The following NUP210L variants were observed in gnomAD, a reference collection of about 807,000 sequenced individuals.
NUP210L encodes nuclear pore membrane glycoprotein 210-like.
NUP210L carries 74 observed loss-of-function variants against 208.5 expected under a neutral mutation model. That is an observed-to-expected ratio of 0.35 (90% CI 0.29 to 0.43). The LOEUF is 0.43. Among genes scored for constraint, NUP210L ranks in the 20% least tolerant of loss-of-function variants. The probability of loss-of-function intolerance (pLI) is 1.00; values close to 1 mark genes in which losing one functional copy is unlikely to be tolerated. For synonymous variants in NUP210L, 780 were observed against 816.9 expected, an observed-to-expected ratio of 0.95 and a Z score of 0.77; for missense variants, 1,843 against 2,289.4, an observed-to-expected ratio of 0.81 and a Z score of 3.98.
At position 154,058,551 on chromosome 1, in the gene NUP210L, C is replaced by T; in HGVS notation, c.2979+14G>A. 1 of 1,605,692 alleles carries T rather than the reference C, an allele frequency of 6.2e-7. No homozygotes were observed. The highest frequency in any genetic ancestry group is 8.5e-7 in the Non-Finnish European group (1 of 1,177,546). ...GTCTTGCTTAATTTCTGAGATAAAA[C>T]AAACATGTCTCACCTTATCAATCAG... On this transcript the variant is annotated intron_variant, in intron 21 of 39. Transcript: ENST00000368559.
chr1:154,058,253 TC>T lies in NUP210L; in HGVS notation c.2980-38del. ...AAAGAAAAAGATTTTAGCAAAGGTG[TC>T]TCATTCACCAATGGCAGTCTAACTC... On this transcript the variant is annotated intron_variant, in intron 21 of 39. Transcript: ENST00000368559. 1.9e-6 allele frequency: 3 copies of T among 1,609,644 alleles called. No individual in the cohort carries two copies. The South Asian group carries it at 3.3e-5, about 18-fold the overall frequency.
intron 7 of NUP210L, 96 bp from the exon 8 acceptor site, chr1:154,129,441 G>T (rs1336631599): frequency 3.8e-6 from 3 of 782,030 alleles, no homozygotes; most frequent in Non-Finnish European, 6.5e-6. Flanking sequence ...ATGCACAAAT[G>T]AAAACAAACA....
intron 10 of NUP210L, among the ~76,000 whole-genome samples, chr1:154,125,770 T>G (rs1245735556): frequency 1.8e-5 from 1 of 54,492 alleles, no homozygotes; most frequent in Admixed American, 2.0e-4. Context: ...TTTTTTTTTT[T>G]TTTTTTTTTT....
chr1:154,151,294 T>TTTTTTTTTTTTTTTTTTTTTTTG (rs1659368301), intron 2 of NUP210L, among the ~76,000 whole-genome samples: 3 of 148,630 alleles, frequency 2.0e-5, no homozygotes, highest in African/African-American at 7.7e-5. Flanking sequence ...CATTGATTCT[T>TTTTTTTTTTTTTTTTTTTTTTTG]AGACACTCGT....
chr1:154,047,804 C>T (rs1653270070), intron 25 of NUP210L, among the ~76,000 whole-genome samples: 1 of 152,182 alleles, frequency 6.6e-6, no homozygotes. Flanking sequence ...GTCTTTAATT[C>T]CTCTAGTGCC....
At chr1:154,153,418 T>C (rs1425239130) in intron 1 of NUP210L, among the ~76,000 whole-genome samples, 1 of 152,190 alleles carries the variant, frequency 6.6e-6, no homozygotes, top group African/African-American at 2.4e-5. Flanking sequence ...CAAGCGATTC[T>C]CCTGCCTCAG....
At chr1:154,001,029 G>C (rs765238536) in exon 37 of NUP210L, 20 of 1,614,018 alleles carry the variant, frequency 1.2e-5, no homozygotes, top group Admixed American at 1.7e-5. Context: ...GCTATGGCCA[G>C]CGACCACTAG....
intron 12 of NUP210L, among the ~76,000 whole-genome samples, chr1:154,107,979 TTAAAGAGGAGG>T (rs1215931645): frequency 6.6e-6 from 1 of 152,104 alleles, no homozygotes; most frequent in Admixed American, 6.6e-5. Flanking sequence ...GCTACTGGCC[TTAAAGAGGAGG>T]TAAAGAGAGA....
At chr1:154,146,021 G>A (rs12043922) in intron 2 of NUP210L, among the ~76,000 whole-genome samples, 8,917 of 152,054 alleles carry the variant, frequency 0.059, 541 homozygotes, top group East Asian at 0.33. Flanking sequence ...CTCCCAAACC[G>A]CTGAGATTAC....
At chr1:154,135,768 C>T (rs777534122) in intron 7 of NUP210L, 46 bp downstream of exon 7, 33 of 1,526,920 alleles carry the variant, frequency 2.2e-5, no homozygotes, top group Non-Finnish European at 4.5e-6. Context: ...GTCTAGGATG[C>T]TCAAGGAAGT....
intron 12 of NUP210L, among the ~76,000 whole-genome samples, chr1:154,107,583 G>C (rs1267108165): frequency 6.6e-6 from 1 of 151,642 alleles, no homozygotes; most frequent in Admixed American, 6.6e-5. Flanking sequence ...ATACAGTCAT[G>C]GGCCAAGTGC....
At chr1:154,111,630 T>A (rs114397524) in intron 12 of NUP210L, among the ~76,000 whole-genome samples, 1,783 of 151,422 alleles carry the variant, frequency 0.012, 99 homozygotes, top group African/African-American at 0.041. Context: ...AGTAATGAGA[T>A]CGAAGCTGCA....
At chr1:154,057,217 A>T (rs1571221973) in intron 22 of NUP210L, among the ~76,000 whole-genome samples, 3 of 152,086 alleles carry the variant, frequency 2.0e-5, no homozygotes, top group African/African-American at 7.2e-5. Context: ...GATTCAAGCA[A>T]TCCTCCTGCC....
At chr1:153,992,806 C>A in exon 40 of NUP210L, 1 of 1,438,478 alleles carries the variant, frequency 7.0e-7, no homozygotes, top group Non-Finnish European at 9.6e-7. Context: ...CATTCCCCTG[C>A]AGTTAAGAGA....
chr1:154,134,593 T>C lies in NUP210L; in HGVS notation c.1009+1221A>G, dbSNP rs1219541014. 4.0e-5 allele frequency among the ~76,000 whole-genome samples: 6 copies of C among 150,472 alleles called. No individual in the cohort carries two copies. In the East Asian group the frequency reaches 1.2e-3, roughly 30 times the overall value. On this transcript the variant is annotated intron_variant, in intron 7 of 39. Coordinates refer to ENST00000368559, the Ensembl canonical transcript of NUP210L. The stretch of plus-strand genomic sequence containing the variant: ...TCTACTAAAAATACAAAAAATTAGC[T>C]GGGCGAGGTGACGGGCGCCTGTAGT...
intron 27 of NUP210L, among the ~76,000 whole-genome samples, chr1:154,035,257 C>G (rs1008832426): frequency 1.3e-5 from 2 of 151,896 alleles, no homozygotes; most frequent in African/African-American, 4.8e-5. Flanking sequence ...TTTTGTTGAT[C>G]TTTTGTATTC....
chr1:154,139,768 A>G, intron 5 of NUP210L, 34 bp downstream of exon 5: 1 of 1,586,092 alleles, frequency 6.3e-7, no homozygotes, highest in Middle Eastern at 1.7e-4. Context: ...TGAAAAAACA[A>G]GTAAGGAAAA....
At position 154,081,109 on chromosome 1, in the gene NUP210L, T is replaced by TA. The variant is rs1571249088; in HGVS notation, c.2361+8311_2361+8312insT. Among the ~76,000 whole-genome samples the TA allele has an allele frequency of 2.6e-5, 4 of 151,916 alleles. No homozygotes were observed. In the East Asian group the frequency reaches 7.7e-4, roughly 29 times the overall value. On this transcript the variant is annotated intron_variant, in intron 16 of 39. Transcript: ENST00000368559. ...GACATAATGCCTACCTTATCAGTAA[T>TA]TACATTAAGTATAAATAAATTTTAT...
At chr1:154,035,402 C>CT (rs879393243) in intron 27 of NUP210L, among the ~76,000 whole-genome samples, 119 of 143,404 alleles carry the variant, frequency 8.3e-4, no homozygotes, top group East Asian at 6.0e-3. Flanking sequence ...ATTTTTTCTA[C>CT]TTTTTTTTTT....
Sources: allele counts gnomAD v4.1 joint callset (sites outside exome capture counted in the v4.1 genomes callset), GRCh38; gene constraint gnomAD v4.1.1; transcripts MANE v1.5; gene names NCBI Gene and HGNC (gene_info 2026-07-23, HGNC 2026-07-21).